TACSTD2: variants seen among roughly 807,000 people sequenced by gnomAD.
TACSTD2 encodes tumor-associated calcium signal transducer 2.
TACSTD2 carries 6 observed loss-of-function variants against 7.9 expected under a neutral mutation model. The ratio of observed to expected loss-of-function variants is 0.76; its 90% CI spans 0.42 to 1.50. TACSTD2 has a LOEUF of 1.50. Ranked by LOEUF, TACSTD2 falls within the 40% of genes most tolerant of loss-of-function variation. TACSTD2 has a pLI of 0.01. For synonymous variants in TACSTD2, 220 were observed against 225.5 expected, an observed-to-expected ratio of 0.98 and a Z score of 0.22; for missense variants, 511 against 471.2, an observed-to-expected ratio of 1.08 and a Z score of -0.78.
In TACSTD2 at chr1:58,576,619, A is replaced by T; in HGVS notation, c.538T>A (p.Phe180Ile). ...GGGTGCAGCCGATAGCGCTCGCGGA[A>T]GAGCCGCCTCAGCTCGGCGTCCAGG... ...SDLDAELRRL[F>I]RERYRLHPKF... Residue 180 changes from phenylalanine (F) to isoleucine (I), a missense_variant, in exon 1 of 1, where the codon TTC (phenylalanine) becomes ATC (isoleucine). Coordinates refer to ENST00000371225, the MANE Select transcript of TACSTD2 (RefSeq NM_002353.3). The T allele has an allele frequency of 6.2e-7, 1 of 1,611,388 alleles. No individual in the cohort carries two copies. The highest frequency in any genetic ancestry group is 8.5e-7 in the Non-Finnish European group (1 of 1,179,202).
Position 58,576,380 on chromosome 1 carries a change from A to G in TACSTD2, c.777T>C (p.Tyr259=). 1 of 1,613,162 alleles carries G rather than the reference A, an allele frequency of 6.2e-7. No homozygotes were observed. Among genetic ancestry groups the G allele is most frequent in the Middle Eastern group, 1.7e-4 (1 of 6,058 alleles). ...EPLQVERTLI[Y]YLDEIPPKFS... ...ACTTCGGGGGAATCTCGTCCAGGTA[A>G]TAGATGAGCGTGCGCTCCACCTGCA... Residue 259 remains tyrosine, a synonymous_variant, in exon 1 of 1, where the codon TAT becomes TAC. Transcript: ENST00000371225.
At position 58,576,395 on chromosome 1, in the gene TACSTD2, C is replaced by T. The variant is rs144787622; in HGVS notation, c.762G>A (p.Glu254=). The change falls in exon 1 of 1, where the codon GAG becomes GAA. Residue 254 remains glutamate, a synonymous_variant. Transcript: ENST00000371225. The part of the protein sequence containing the change: ...LRVRGEPLQV[E]RTLIYYLDEI... Reference sequence around the variant, plus strand: ...CGTCCAGGTAATAGATGAGCGTGCGCTCCACCTGCAGGGGTTCTCCGCGCA... The same window carrying T: ...CGTCCAGGTAATAGATGAGCGTGCGTTCCACCTGCAGGGGTTCTCCGCGCA... The T allele has an allele frequency of 1.4e-4, 228 of 1,613,444 alleles. No homozygotes were observed. The African/African-American group carries it at 2.8e-3, about 20-fold the overall frequency.
At position 58,576,676 on chromosome 1, in the gene TACSTD2, G is replaced by A; in HGVS notation, c.481C>T (p.Arg161Cys). ...THHILIDLRH[R>C]PTAGAFNHSD... ...TGGTTGAAGGCGCCGGCGGTGGGGC[G>A]GTGGCGCAGGTCAATGAGGATGTGG... Residue 161 changes from arginine (R) to cysteine (C), a missense_variant, in exon 1 of 1, where the codon CGC (arginine) becomes TGC (cysteine). Transcript: ENST00000371225. The A allele has an allele frequency of 6.2e-7, 1 of 1,601,622 alleles. No individual in the cohort carries two copies. The highest frequency in any genetic ancestry group is 1.3e-5 in the African/African-American group (1 of 74,966).
chr1:58,576,331 C>T lies in TACSTD2; in HGVS notation c.826G>A (p.Gly276Ser), dbSNP rs1646880205. Residue 276 changes from glycine to serine, a missense_variant, in exon 1 of 1, where the codon GGC (glycine) becomes AGC (serine). By Grantham distance (56) the Gly-to-Ser change is moderately conservative. Transcript: ENST00000371225. ...PKFSMKRLTA[G>S]LIAVIVVVVV... The stretch of plus-strand genomic sequence containing the variant: ...ACCACCACGATGACGGCGATGAGGC[C>T]GGCGGTGAGGCGCTTCATGGAGAAC... The T allele has an allele frequency of 6.2e-7, 1 of 1,613,122 alleles. No individual in the cohort carries two copies. The highest frequency in any genetic ancestry group is 1.3e-5 in the African/African-American group (1 of 75,028).
Position 58,576,984 on chromosome 1 carries a change from AGC to A in TACSTD2, c.171_172del (p.Leu58GlyfsTer36). On this transcript the variant is annotated frameshift_variant, in exon 1 of 1. Coordinates refer to ENST00000371225, the MANE Select transcript of TACSTD2 (RefSeq NM_002353.3). LOFTEE classifies it high-confidence loss of function. ...GCAGTCGACCGCCATGCCCGAGCCC[AGC>A]GCGCGGCACTGGCAGCGGCCGCCGG... The A allele has an allele frequency of 1.3e-6, 2 of 1,575,570 alleles. No homozygotes were observed. Among genetic ancestry groups the A allele is most frequent in the Non-Finnish European group, 1.7e-6 (2 of 1,164,006 alleles).
Position 58,576,438 on chromosome 1 carries a change from C to T in TACSTD2, c.719G>A (p.Gly240Asp), listed in dbSNP as rs1384985240. 13 of 1,613,804 alleles carry T rather than the reference C, an allele frequency of 8.1e-6. No individual in the cohort carries two copies. Among genetic ancestry groups the T allele is most frequent in the African/African-American group, 4.0e-5 (3 of 74,950 alleles). ...IKGESLFQGR[G>D]GLDLRVRGEP... ...TCCGCGCACGCGCAAGTCCAGGCCG[C>T]CGCGGCCCTGGAATAGAGACTCGCC... is the stretch of plus-strand genomic sequence containing the variant. Residue 240 changes from glycine to aspartate, a missense_variant, in exon 1 of 1, where the codon GGC becomes GAC. By Grantham distance (94) the Gly-to-Asp change is moderately conservative (BLOSUM62 -1). Transcript: ENST00000371225.
Position 58,576,744 on chromosome 1 carries a change from T to A in TACSTD2, c.413A>T (p.Lys138Met). The change falls in exon 1 of 1, where the codon AAG becomes ATG. Residue 138 changes from lysine (K) to methionine (M), a missense_variant. By Grantham distance (95) the Lys-to-Met change is moderately conservative (BLOSUM62 -1). Transcript: ENST00000371225. The part of the protein sequence containing the change: ...VNSVGVRRTD[K>M]GDLSLRCDEL... ...ATCGCAGCGTAGGCTCAGGTCGCCCTTGTCCGTGCGGCGCACGCCCACCGA... is the reference window on the plus strand; with the variant it reads ...ATCGCAGCGTAGGCTCAGGTCGCCCATGTCCGTGCGGCGCACGCCCACCGA... The A allele has an allele frequency of 6.2e-7, 1 of 1,600,234 alleles. No individual in the cohort carries two copies.
Position 58,576,502 on chromosome 1 carries a change from T to C in TACSTD2, c.655A>G (p.Ile219Val). The change falls in exon 1 of 1, where the codon ATC becomes GTC. Residue 219 changes from isoleucine to valine, a missense_variant. By Grantham distance (29) the Ile-to-Val change is conservative (BLOSUM62 3). Transcript: ENST00000371225. ...TSQKAAGDVD[I>V]GDAAYYFERD... is the part of the protein sequence containing the mutation. ...TCGAAGTAGTAGGCGGCATCGCCGATATCCACGTCACCGGCGGCCTTCTGA... is the reference window on the plus strand; with the variant it reads ...TCGAAGTAGTAGGCGGCATCGCCGACATCCACGTCACCGGCGGCCTTCTGA... 3 of 1,613,250 alleles carry C rather than the reference T, an allele frequency of 1.9e-6. No homozygotes were observed. Among genetic ancestry groups the C allele is most frequent in the East Asian group, 2.2e-5 (1 of 44,860 alleles).
rs1297690032 is a variant in TACSTD2, at chr1:58,576,439, C to A, written c.718G>T (p.Gly240Cys). ...CCGCGCACGCGCAAGTCCAGGCCGC[C>A]GCGGCCCTGGAATAGAGACTCGCCC... Reference protein sequence around the residue: ...IKGESLFQGRGGLDLRVRGEP... With the variant: ...IKGESLFQGRCGLDLRVRGEP... The change falls in exon 1 of 1, where the codon GGC (glycine) becomes TGC (cysteine). Residue 240 changes from glycine to cysteine, a missense_variant. Transcript: ENST00000371225. 6.2e-7 allele frequency: 1 copy of A among 1,613,904 alleles called. No homozygotes were observed. The highest frequency in any genetic ancestry group is 1.7e-5 in the Admixed American group (1 of 59,996).
In TACSTD2 at chr1:58,575,661, A is replaced by T. The variant is rs1179368001; in HGVS notation, c.*524T>A. 6.5e-6 allele frequency: 1 copy of T among 153,678 alleles called. No homozygotes were observed. Among genetic ancestry groups the T allele is most frequent in the African/African-American group, 2.4e-5 (1 of 41,600 alleles). 9.5% of individuals were successfully genotyped at this position (153,678 alleles called of 1,614,324 possible). On this transcript the variant is annotated 3_prime_UTR_variant, in exon 1 of 1. Coordinates refer to ENST00000371225, the MANE Select transcript of TACSTD2 (RefSeq NM_002353.3). Reference sequence around the variant, plus strand: ...ACAGGCTTCTTTCCCAGTGACAAGCATATGTGGTCAGTAATACAAACGATG... The same window carrying T: ...ACAGGCTTCTTTCCCAGTGACAAGCTTATGTGGTCAGTAATACAAACGATG...
At position 58,576,759 on chromosome 1, in the gene TACSTD2, A is replaced by G. The variant is rs764259617; in HGVS notation, c.398T>C (p.Val133Ala). ...CAGGTCGCCCTTGTCCGTGCGGCGC[A>G]CGCCCACCGAGTTCACGCACCAGCA... is the stretch of plus-strand genomic sequence containing the variant. Reference protein sequence around the residue: ...SVCWCVNSVGVRRTDKGDLSL... With the variant: ...SVCWCVNSVGARRTDKGDLSL... Residue 133 changes from valine to alanine, a missense_variant, in exon 1 of 1, where the codon GTG becomes GCG. By Grantham distance (64) the Val-to-Ala change is moderately conservative. Transcript: ENST00000371225. 12 of 1,598,662 alleles carry G rather than the reference A, an allele frequency of 7.5e-6. No homozygotes were observed. Among genetic ancestry groups the G allele is most frequent in the African/African-American group, 6.7e-5 (5 of 74,754 alleles).
Position 58,577,208 on chromosome 1 carries a change from C to A in TACSTD2, c.-52G>T. 1 of 1,322,834 alleles carries A rather than the reference C, an allele frequency of 7.6e-7. No individual in the cohort carries two copies. The highest frequency in any genetic ancestry group is 9.6e-7 in the Non-Finnish European group (1 of 1,043,158). The allele number at this position is 1,322,834 out of a possible 1,614,324, so 81.9% of individuals were successfully genotyped here. A position where few individuals can be genotyped will look rare whatever the true frequency, so the allele number is the denominator to read the frequency against. ...CGCGGGCGGATGAGGCGCGGGGACT[C>A]GTCGGGGCTCGGGCTCCGGCGTCTG... On this transcript the variant is annotated 5_prime_UTR_variant, in exon 1 of 1. Coordinates refer to ENST00000371225, the MANE Select transcript of TACSTD2 (RefSeq NM_002353.3).
In TACSTD2 at chr1:58,575,707, G is replaced by C. The variant is rs1479355121; in HGVS notation, c.*478C>G. The C allele has an allele frequency of 6.0e-6, 1 of 165,934 alleles. No individual in the cohort carries two copies. The highest frequency in any genetic ancestry group is 5.8e-5 in the Admixed American group (1 of 17,362). 10.3% of individuals were successfully genotyped at this position (165,934 alleles called of 1,614,324 possible). A position where few individuals can be genotyped will look rare whatever the true frequency, so the allele number is the denominator to read the frequency against. On this transcript the variant is annotated 3_prime_UTR_variant, in exon 1 of 1. Transcript: ENST00000371225. Reference sequence around the variant, plus strand: ...CGATGGTAAATGAGGCTACTACATAGGCCCAGTTAACAAACTCCTCTTCTC... The same window carrying C: ...CGATGGTAAATGAGGCTACTACATACGCCCAGTTAACAAACTCCTCTTCTC...
chr1:58,576,666 G>A lies in TACSTD2; in HGVS notation c.491C>T (p.Ala164Val). 6.2e-7 allele frequency: 1 copy of A among 1,602,764 alleles called. No homozygotes were observed. The highest frequency in any genetic ancestry group is 8.5e-7 in the Non-Finnish European group (1 of 1,176,940). The change falls in exon 1 of 1, where the codon GCC becomes GTC. Residue 164 changes from alanine (A) to valine (V), a missense_variant. Ala to Val is a moderately conservative substitution (Grantham distance 64). Transcript: ENST00000371225. ...CAGGTCTGAGTGGTTGAAGGCGCCG[G>A]CGGTGGGGCGGTGGCGCAGGTCAAT... is the stretch of plus-strand genomic sequence containing the variant. ...ILIDLRHRPT[A>V]GAFNHSDLDA...
chr1:58,576,478 C>A lies in TACSTD2; in HGVS notation c.679G>T (p.Glu227Ter). 6.2e-7 allele frequency: 1 copy of A among 1,613,766 alleles called. No homozygotes were observed. The highest frequency in any genetic ancestry group is 8.5e-7 in the Non-Finnish European group (1 of 1,179,898). Reference protein sequence around the residue: ...VDIGDAAYYFERDIKGESLFQ... With the variant: ...VDIGDAAYYF The stretch of plus-strand genomic sequence containing the variant: ...AGAGACTCGCCCTTGATGTCCCTCT[C>A]GAAGTAGTAGGCGGCATCGCCGATA... Residue 227 changes from glutamate to a stop codon, truncating the protein, a stop_gained, in exon 1 of 1, where the codon GAG (glutamate) becomes TAG (stop). Coordinates refer to ENST00000371225, the MANE Select transcript of TACSTD2 (RefSeq NM_002353.3). LOFTEE classifies it high-confidence loss of function.
At position 58,576,635 on chromosome 1, in the gene TACSTD2, G is replaced by C. The variant is rs747613201; in HGVS notation, c.522C>G (p.Ala174=). ...AGAFNHSDLD[A]ELRRLFRERY... ...GCTCGCGGAAGAGCCGCCTCAGCTC[G>C]GCGTCCAGGTCTGAGTGGTTGAAGG... Residue 174 remains alanine, a synonymous_variant, in exon 1 of 1, where the codon GCC becomes GCG. Transcript: ENST00000371225. 6.2e-7 allele frequency: 1 copy of C among 1,610,014 alleles called. No homozygotes were observed. Among genetic ancestry groups the C allele is most frequent in the Non-Finnish European group, 8.5e-7 (1 of 1,179,046 alleles).
Position 58,576,939 on chromosome 1 carries a change from C to T in TACSTD2, c.218G>A (p.Cys73Tyr). ...AVDCSTLTSK[C>Y]LLLKARMSAP... ...GCTCATGCGCGCCTTGAGCAGCAGA[C>T]ACTTGGAGGTCAGCGTGGAGCAGTC... Residue 73 changes from cysteine (C) to tyrosine (Y), a missense_variant, in exon 1 of 1, where the codon TGT becomes TAT. Transcript: ENST00000371225. 6.3e-7 allele frequency: 1 copy of T among 1,587,600 alleles called. No homozygotes were observed. The highest frequency in any genetic ancestry group is 8.5e-7 in the Non-Finnish European group (1 of 1,172,578).
chr1:58,575,961 G>T lies in TACSTD2; in HGVS notation c.*224C>A, dbSNP rs1401064279. 4 of 599,942 alleles carry T rather than the reference G, an allele frequency of 6.7e-6. No individual in the cohort carries two copies. Among genetic ancestry groups the T allele is most frequent in the South Asian group, 2.2e-5 (1 of 44,592 alleles). 37.2% of individuals were successfully genotyped at this position (599,942 alleles called of 1,614,324 possible). A position where few individuals can be genotyped will look rare whatever the true frequency, so the allele number is the denominator to read the frequency against. ...GTTTCCTGTTGTTGGACCGAAAGGG[G>T]ATACATTTTAGAAATGCTTCCTTCA... On this transcript the variant is annotated 3_prime_UTR_variant, in exon 1 of 1. Transcript: ENST00000371225.
rs376863586 is a variant in TACSTD2 at position 58,576,652 on chromosome 1, G to C, written c.505C>G (p.His169Asp). ...CTCAGCTCGGCGTCCAGGTCTGAGT[G>C]GTTGAAGGCGCCGGCGGTGGGGCGG... ...RHRPTAGAFN[H>D]SDLDAELRRL... Residue 169 changes from histidine to aspartate, a missense_variant, in exon 1 of 1, where the codon CAC becomes GAC. Coordinates refer to ENST00000371225, the MANE Select transcript of TACSTD2 (RefSeq NM_002353.3). The C allele has an allele frequency of 6.2e-7, 1 of 1,606,072 alleles. No homozygotes were observed. Among genetic ancestry groups the C allele is most frequent in the Non-Finnish European group, 8.5e-7 (1 of 1,177,320 alleles).
Sources: gnomAD v4.1 joint callset for allele counts on GRCh38, gnomAD v4.1.1 for gene constraint, MANE v1.5 for transcripts, NCBI Gene and HGNC (gene_info 2026-07-23, HGNC 2026-07-21) for gene names.